PRDM2: variants seen among roughly 807,000 people sequenced by gnomAD.
PRDM2 encodes the protein PR domain zinc finger protein 2.
PRDM2 carries 30 observed loss-of-function variants against 130.0 expected under a neutral mutation model. The observed-to-expected ratio is 0.23, with a 90% CI of 0.17 to 0.31. The LOEUF is 0.31. Among genes scored for constraint, PRDM2 ranks in the 10% least tolerant of loss-of-function variants. The pLI is 1.00. For missense variants in PRDM2, 2,011 were observed against 2,108.4 expected, an observed-to-expected ratio of 0.95 and a Z score of 0.90; for synonymous variants, 871 against 782.4, an observed-to-expected ratio of 1.11 and a Z score of -1.89.
intron 1 of PRDM2, among the ~76,000 whole-genome samples, chr1:13,714,165 G>A (rs1263575138): frequency 5.3e-5 from 8 of 151,930 alleles, no homozygotes; most frequent in Non-Finnish European, 4.4e-5. Flanking sequence ...CACTGTGCCC[G>A]GCCCAAAATA....
intron 6 of PRDM2, among the ~76,000 whole-genome samples, chr1:13,749,746 G>T (rs1026446765): frequency 6.6e-6 from 1 of 151,948 alleles, no homozygotes; most frequent in African/African-American, 2.4e-5. Flanking sequence ...GCCGCCGCGC[G>T]CTCGGGCTGT....
rs1645035645 is a variant in PRDM2, at chr1:13,803,217, C to T, written c.5037-13210C>T. ...CAATGAGAGAAACCGTATAGGAAGC[C>T]ACGCTGGGAGGATTTGGTTCTTGAG... On this transcript the variant is annotated intron_variant, in intron 8 of 9. Transcript: ENST00000311066. The surrounding 1 kb of genome is among the most constrained non-coding windows in gnomAD (Gnocchi z 6.2). Among the ~76,000 whole-genome samples, 1 of 152,184 alleles carries T rather than the reference C, an allele frequency of 6.6e-6. No individual in the cohort carries two copies. The highest frequency in any genetic ancestry group is 2.4e-5 in the African/African-American group (1 of 41,436).
chr1:13,792,685 T>C (rs1423431319), intron 8 of PRDM2, among the ~76,000 whole-genome samples: 1 of 152,222 alleles, frequency 6.6e-6, no homozygotes, highest in Admixed American at 6.5e-5. Context: ...TGTCAGGCTG[T>C]AGATCTGAAG....
intron 9 of PRDM2, among the ~76,000 whole-genome samples, chr1:13,818,442 G>C (rs1268732335): frequency 1.4e-5 from 2 of 146,044 alleles, no homozygotes; most frequent in African/African-American, 5.1e-5. Context: ...GCAGTGGCGC[G>C]ATCTTGACTC....
rs763037126 is a variant in PRDM2, at chr1:13,806,293, C to T, written c.5037-10134C>T. On this transcript the variant is annotated intron_variant, in intron 8 of 9. Coordinates refer to ENST00000311066, the MANE Select transcript of PRDM2 (RefSeq NM_001393986.1). This position sits in a 1 kb window ranked among gnomAD's most constrained non-coding sequence, Gnocchi z 4.1. Reference sequence around the variant, plus strand: ...CCCGCCTCCATCCCTGGGCTCTGTCCCCTCGCTCCGTCTCCGCTCCCCCTT... The same window carrying T: ...CCCGCCTCCATCCCTGGGCTCTGTCTCCTCGCTCCGTCTCCGCTCCCCCTT... Among the ~76,000 whole-genome samples, 7 of 151,280 alleles carry T rather than the reference C, an allele frequency of 4.6e-5. No individual in the cohort carries two copies. Among genetic ancestry groups the T allele is most frequent in the Non-Finnish European group, 8.8e-5 (6 of 67,934 alleles).
chr1:13,722,404 G>T (rs962692267), intron 2 of PRDM2, among the ~76,000 whole-genome samples: 3 of 152,140 alleles, frequency 2.0e-5, no homozygotes, highest in Non-Finnish European at 4.4e-5. Context: ...TGTGGTGAGG[G>T]TAGGAGGGGC....
rs779447457 is a variant in PRDM2, at chr1:13,742,044, A to C, written c.271A>C (p.Thr91Pro). 1 of 1,594,210 alleles carries C rather than the reference A, an allele frequency of 6.3e-7. No homozygotes were observed. The highest frequency in any genetic ancestry group is 1.1e-5 in the South Asian group (1 of 90,628). Reference protein sequence around the residue: ...PNLGWMCIDATDPEKGNWLRY... With the variant: ...PNLGWMCIDAPDPEKGNWLRY... ...TTTGGGATGGATGTGCATTGATGCC[A>C]CTGATCCAGAGAAGGGAAACTGGCT... is the stretch of plus-strand genomic sequence containing the variant. Residue 91 changes from threonine to proline, a missense_variant, in exon 5 of 10, where the codon ACT becomes CCT. Physicochemically the swap from Thr to Pro is conservative, Grantham distance 38. This residue lies in a region of PRDM2 where 1,288 missense variants were observed against 1,237.7 expected (regional missense o/e 1.04). Transcript: ENST00000311066.
In PRDM2 at chr1:13,735,370, C is replaced by T. The variant is rs996283799; in HGVS notation, c.231+2488C>T. Among the ~76,000 whole-genome samples, 10 of 152,310 alleles carry T rather than the reference C, an allele frequency of 6.6e-5. No individual in the cohort carries two copies. The East Asian group carries it at 1.5e-3, about 24-fold the overall frequency. On this transcript the variant is annotated intron_variant, in intron 4 of 9. Transcript: ENST00000311066. Reference sequence around the variant, plus strand: ...GCTGGCGCTCGGGACTTGGTGTTTTCGTTCTCTTGACTCTCCCCATCCGCA... The same window carrying T: ...GCTGGCGCTCGGGACTTGGTGTTTTTGTTCTCTTGACTCTCCCCATCCGCA...
intron 4 of PRDM2, among the ~76,000 whole-genome samples, chr1:13,733,788 A>C (rs1485966604): frequency 6.6e-6 from 1 of 152,142 alleles, no homozygotes; most frequent in African/African-American, 2.4e-5. Context: ...TGAGTTCTTA[A>C]AGGAGCTCCA....
intron 8 of PRDM2, among the ~76,000 whole-genome samples, chr1:13,805,086 T>C (rs1481554992): frequency 2.0e-5 from 3 of 152,140 alleles, no homozygotes; most frequent in Admixed American, 1.3e-4. Flanking sequence ...CCCTCCTCTG[T>C]AAAACCAGGA....
At chr1:13,754,660 GC>G (rs1442426982) in intron 6 of PRDM2, among the ~76,000 whole-genome samples, 2 of 152,238 alleles carry the variant, frequency 1.3e-5, no homozygotes, top group Non-Finnish European at 2.9e-5. Context: ...ACCTTTCGTA[GC>G]AGCCAGCAGC....
At chr1:13,736,616 G>A (rs1643281128) in intron 4 of PRDM2, among the ~76,000 whole-genome samples, 1 of 151,748 alleles carries the variant, frequency 6.6e-6, no homozygotes, top group Non-Finnish European at 1.5e-5. Context: ...TGAATTTCTA[G>A]AAGTATAAAT....
Position 13,782,803 on chromosome 1 carries a change from A to G in PRDM2, c.5008A>G (p.Ser1670Gly). The change falls in exon 8 of 10, where the codon AGC becomes GGC. Residue 1670 changes from serine to glycine, a missense_variant. Around this residue, in one of 5 missense-constraint regions of PRDM2, gnomAD observed 410 missense variants for 395.9 expected, o/e 1.04. Transcript: ENST00000311066. ...DLSENKREDG[S>G]AKQELKDFSY... Reference sequence around the variant, plus strand: ...GAGTGAGAACAAGAGAGAGGACGGCAGCGCCAAGCAGGAGCTGAAGGACTT... The same window carrying G: ...GAGTGAGAACAAGAGAGAGGACGGCGGCGCCAAGCAGGAGCTGAAGGACTT... 6.2e-7 allele frequency: 1 copy of G among 1,608,324 alleles called. No homozygotes were observed. The highest frequency in any genetic ancestry group is 8.5e-7 in the Non-Finnish European group (1 of 1,178,726).
chr1:13,819,475 G>A (rs1645312414), intron 9 of PRDM2, among the ~76,000 whole-genome samples: 1 of 152,094 alleles, frequency 6.6e-6, no homozygotes, highest in Non-Finnish European at 1.5e-5. Flanking sequence ...CGTGTAACTT[G>A]CTCCTTAAAA....
At chr1:13,818,035 A>G (rs1289012086) in intron 9 of PRDM2, among the ~76,000 whole-genome samples, 2 of 152,188 alleles carry the variant, frequency 1.3e-5, no homozygotes, top group Admixed American at 6.5e-5. Context: ...CAGATGTTGA[A>G]TACGGGGTTA....
chr1:13,748,724 G>T (rs1014669294), intron 5 of PRDM2, among the ~76,000 whole-genome samples: 4 of 152,194 alleles, frequency 2.6e-5, no homozygotes, highest in African/African-American at 7.2e-5. Flanking sequence ...TAATACATGG[G>T]AGATACTTCC....
intron 1 of PRDM2, among the ~76,000 whole-genome samples, chr1:13,714,952 T>C (rs529583252): frequency 6.6e-6 from 1 of 152,352 alleles, no homozygotes; most frequent in Admixed American, 6.5e-5. Context: ...CTTTTTATTT[T>C]ACTATACTAT....
chr1:13,808,750 T>G (rs1557674011), intron 8 of PRDM2, among the ~76,000 whole-genome samples: 1 of 152,164 alleles, frequency 6.6e-6, no homozygotes. Context: ...AAGAATACAA[T>G]GATGAACAAA....
intron 6 of PRDM2, among the ~76,000 whole-genome samples, chr1:13,756,906 G>C (rs1643969192): frequency 6.6e-6 from 1 of 152,174 alleles, no homozygotes; most frequent in South Asian, 2.1e-4. Context: ...CTGATGCTCC[G>C]AGGGGTTATG....
Sources: gnomAD v4.1 joint callset for allele counts (sites outside exome capture counted in the v4.1 genomes callset) on GRCh38, gnomAD v4.1.1 for gene constraint, gnomAD v4.1.1 regional missense constraint, Gnocchi (gnomAD v3.1) non-coding constraint, MANE v1.5 for transcripts, NCBI Gene and HGNC (gene_info 2026-07-23, HGNC 2026-07-21) for gene names.